The following TRIM2 variants were observed in gnomAD, a reference collection of about 807,000 sequenced individuals.
TRIM2 encodes the protein tripartite motif-containing protein 2.
In TRIM2, 20 loss-of-function variants were observed where a neutral mutation model predicts 75.2. That is an observed-to-expected ratio of 0.27 (90% CI 0.19 to 0.39). The LOEUF is 0.39. Ranked by LOEUF, TRIM2 falls within the 10% of genes least tolerant of loss-of-function variation. The pLI is 1.00. For synonymous variants in TRIM2, 373 were observed against 388.3 expected, an observed-to-expected ratio of 0.96 and a Z score of 0.46; for missense variants, 660 against 990.8, an observed-to-expected ratio of 0.67 and a Z score of 4.48.
intron 1 of TRIM2, among the ~76,000 whole-genome samples, chr4:153,246,105 AC>A (rs1176005303): frequency 6.6e-6 from 1 of 152,150 alleles, no homozygotes; most frequent in Non-Finnish European, 1.5e-5. Flanking sequence ...AGGTTTGCTG[AC>A]CTCTTTGCTT....
Position 153,338,856 on chromosome 4 carries a change from G to C in TRIM2, c.*3890G>C. On this transcript the variant is annotated 3_prime_UTR_variant, in exon 12 of 12. Coordinates refer to ENST00000338700, the MANE Select transcript of TRIM2 (RefSeq NM_015271.5). ...TCAATGCTTTTGCTTTATGACATGG[G>C]AATGTTCTGTCATCAATGGAGTGTA... 11 of 985,622 alleles carry C rather than the reference G, an allele frequency of 1.1e-5. No homozygotes were observed. The highest frequency in any genetic ancestry group is 1.3e-5 in the Non-Finnish European group (11 of 829,846). 61.1% of individuals were successfully genotyped at this position (985,622 alleles called of 1,614,324 possible). A position where few individuals can be genotyped will look rare whatever the true frequency, so the allele number is the denominator to read the frequency against.
intron 11 of TRIM2, among the ~76,000 whole-genome samples, chr4:153,333,884 T>C (rs1314462902): frequency 2.6e-5 from 4 of 152,182 alleles, no homozygotes; most frequent in African/African-American, 7.2e-5. Flanking sequence ...GGCTATTTTA[T>C]ATAAAGGACT....
chr4:153,296,100 T>A, intron 6 of TRIM2, 64 bp downstream of exon 6: 1 of 1,492,544 alleles, frequency 6.7e-7, no homozygotes, highest in Non-Finnish European at 8.9e-7. Flanking sequence ...ACTGGGCACG[T>A]GTCATTGCAA....
intron 4 of TRIM2, 55 bp from the exon 5 acceptor site, chr4:153,294,250 T>C (rs1762367470): frequency 6.4e-7 from 1 of 1,569,724 alleles, no homozygotes; most frequent in Non-Finnish European, 8.7e-7. Context: ...TTAGATAGAT[T>C]TTGGAATATT....
intron 6 of TRIM2, among the ~76,000 whole-genome samples, chr4:153,303,308 A>AT (rs199804355): frequency 0.012 from 1,574 of 136,302 alleles, 12 homozygotes; most frequent in Middle Eastern, 0.07. Context: ...TACTAAAAAA[A>AT]AAAAATATAT....
intron 1 of TRIM2, among the ~76,000 whole-genome samples, chr4:153,169,640 T>C (rs1215827419): frequency 3.3e-5 from 5 of 152,214 alleles, no homozygotes; most frequent in Non-Finnish European, 5.9e-5. Flanking sequence ...TATGATGTTT[T>C]ACTAAAAAAC....
At chr4:153,223,405 T>C (rs1223734459) in intron 1 of TRIM2, among the ~76,000 whole-genome samples, 1 of 152,228 alleles carries the variant, frequency 6.6e-6, no homozygotes, top group Non-Finnish European at 1.5e-5. Context: ...AAGATCGGCT[T>C]CCTCTTTTTC....
intron 6 of TRIM2, chr4:153,307,756 C>G (rs115448263): frequency 3.0e-6 from 2 of 670,128 alleles, no homozygotes; most frequent in Non-Finnish European, 5.7e-6. Context: ...CGTGCTGTGT[C>G]GGACTTCAGC....
chr4:153,287,817 C>T (rs1206784909), intron 3 of TRIM2, among the ~76,000 whole-genome samples: 2 of 152,178 alleles, frequency 1.3e-5, no homozygotes, highest in Admixed American at 6.5e-5. Flanking sequence ...AACTAAAATA[C>T]ATTAATACTG....
chr4:153,312,023 C>T lies in TRIM2; in HGVS notation c.1511-3462C>T, dbSNP rs1356793151. 2.0e-5 allele frequency among the ~76,000 whole-genome samples: 3 copies of T among 151,228 alleles called. No homozygotes were observed. The South Asian group carries it at 6.3e-4, about 32-fold the overall frequency. On this transcript the variant is annotated intron_variant, in intron 6 of 11. Coordinates refer to ENST00000338700, the MANE Select transcript of TRIM2 (RefSeq NM_015271.5). Reference sequence around the variant, plus strand: ...TGGTGCGCTGCACCCACTAACTCGTCATCTAGCATTAGGTATATCTCCCAA... The same window carrying T: ...TGGTGCGCTGCACCCACTAACTCGTTATCTAGCATTAGGTATATCTCCCAA...
chr4:153,210,058 AT>A (rs761134144), intron 1 of TRIM2, among the ~76,000 whole-genome samples: 9,527 of 107,084 alleles, frequency 0.089, 404 homozygotes, highest in African/African-American at 0.26. Flanking sequence ...GGGTGATTTA[AT>A]TTTTTTTTTT....
chr4:153,297,849 T>A (rs1270368028), intron 6 of TRIM2, among the ~76,000 whole-genome samples: 1 of 152,228 alleles, frequency 6.6e-6, no homozygotes, highest in Non-Finnish European at 1.5e-5. Flanking sequence ...AATCTTAAGG[T>A]TGCTGTTGGG....
At chr4:153,327,770 G>C (rs775819822) in intron 10 of TRIM2, among the ~76,000 whole-genome samples, 1 of 152,150 alleles carries the variant, frequency 6.6e-6, no homozygotes, top group Non-Finnish European at 1.5e-5. Context: ...TCAGATGTTA[G>C]AGAATTTGCT....
intron 6 of TRIM2, among the ~76,000 whole-genome samples, chr4:153,311,954 G>A (rs1376422431): frequency 6.7e-6 from 1 of 148,448 alleles, no homozygotes; most frequent in Non-Finnish European, 1.5e-5. Flanking sequence ...TAGGGTACAT[G>A]TGCACAATGT....
At chr4:153,171,484 G>T (rs1730843099) in intron 1 of TRIM2, among the ~76,000 whole-genome samples, 1 of 152,184 alleles carries the variant, frequency 6.6e-6, no homozygotes, top group Non-Finnish European at 1.5e-5. Context: ...TACTTGGGAG[G>T]CTGAGGCAGA....
At position 153,338,101 on chromosome 4, in the gene TRIM2, A is replaced by G; in HGVS notation, c.*3135A>G. On this transcript the variant is annotated 3_prime_UTR_variant, in exon 12 of 12. Transcript: ENST00000338700. ...GTGACTAGATTTGAAGCAAATAAATACTCCAGATCCATGCAGCTAGAACAC... is the reference window on the plus strand; with the variant it reads ...GTGACTAGATTTGAAGCAAATAAATGCTCCAGATCCATGCAGCTAGAACAC... 1 of 985,764 alleles carries G rather than the reference A, an allele frequency of 1.0e-6. No homozygotes were observed. The highest frequency in any genetic ancestry group is 1.2e-6 in the Non-Finnish European group (1 of 829,912). 61.1% of individuals were successfully genotyped at this position (985,764 alleles called of 1,614,324 possible). A position where few individuals can be genotyped will look rare whatever the true frequency, so the allele number is the denominator to read the frequency against.
rs185307638 is a variant in TRIM2 at position 153,218,157 on chromosome 4, A to G, written c.30+13597A>G. Among the ~76,000 whole-genome samples the G allele has an allele frequency of 1.4e-3, 213 of 152,348 alleles. 4 individuals are homozygous for G. Among genetic ancestry groups the G allele is most frequent in the African/African-American group, 5.0e-3 (209 of 41,590 alleles). ...AATTTATTCACCTATTCAATTGTAA[A>G]TATTTATTAAGCATATTGTATGTCT... On this transcript the variant is annotated intron_variant, in intron 1 of 11. Coordinates refer to ENST00000338700, the MANE Select transcript of TRIM2 (RefSeq NM_015271.5).
intron 1 of TRIM2, among the ~76,000 whole-genome samples, chr4:153,195,682 T>C (rs1294807028): frequency 6.6e-6 from 1 of 152,236 alleles, no homozygotes; most frequent in African/African-American, 2.4e-5. Flanking sequence ...CTTTTGTTGC[T>C]ACTGTCCTTA....
intron 1 of TRIM2, among the ~76,000 whole-genome samples, chr4:153,193,877 A>G (rs1733486648): frequency 6.6e-6 from 1 of 152,168 alleles, no homozygotes; most frequent in African/African-American, 2.4e-5. Flanking sequence ...GGAGAGACGA[A>G]CTGGGAGACT....
Sources: allele counts gnomAD v4.1 joint callset (sites outside exome capture counted in the v4.1 genomes callset), GRCh38; gene constraint gnomAD v4.1.1; transcripts MANE v1.5; gene names NCBI Gene and HGNC (gene_info 2026-07-23, HGNC 2026-07-21).